Variants in RARB observed in about 807,000 individuals in gnomAD.
RARB encodes retinoic acid receptor beta, also known as HBV-activated protein.
RARB carries 17 observed loss-of-function variants against 51.9 expected under a neutral mutation model. The ratio of observed to expected loss-of-function variants is 0.33; its 90% CI spans 0.22 to 0.49. RARB has a LOEUF of 0.49. RARB is among the 20% of genes least tolerant of loss of function. The pLI, the probability that RARB is intolerant of heterozygous loss-of-function variation, is 0.99. For missense variants in RARB, 369 were observed against 550.8 expected, an observed-to-expected ratio of 0.67 and a Z score of 3.30; for synonymous variants, 215 against 195.4, an observed-to-expected ratio of 1.10 and a Z score of -0.84.
chr3:25,564,658 G>A (rs1300349036), intron 3 of RARB, among the ~76,000 whole-genome samples: 1 of 152,158 alleles, frequency 6.6e-6, no homozygotes, highest in Non-Finnish European at 1.5e-5. Flanking sequence ...CCATCTGTGG[G>A]TCGGATCTTG....
intron 3 of RARB, among the ~76,000 whole-genome samples, chr3:25,528,574 T>C (rs1698757398): frequency 1.3e-5 from 2 of 152,018 alleles, no homozygotes; most frequent in South Asian, 2.1e-4. Flanking sequence ...TGCCATGTGA[T>C]TCAGCACTGG....
intron 3 of RARB, among the ~76,000 whole-genome samples, chr3:25,089,574 A>C (rs1699161458): frequency 6.6e-6 from 1 of 152,114 alleles, no homozygotes; most frequent in Non-Finnish European, 1.5e-5. Context: ...TGTTCTTACC[A>C]TTGAAAAAGC....
intron 5 of RARB, chr3:25,174,639 C>G: frequency 7.7e-7 from 1 of 1,306,132 alleles, no homozygotes; most frequent in Non-Finnish European, 1.0e-6. Context: ...CCTGAGAAAA[C>G]GGAATGGTTG....
intron 3 of RARB, among the ~76,000 whole-genome samples, chr3:25,531,384 A>G (rs372956137): frequency 4.1e-5 from 4 of 98,106 alleles, no homozygotes; most frequent in African/African-American, 2.4e-4. Flanking sequence ...AGATAGATAG[A>G]TAGGTAGATA....
chr3:25,507,919 A>G (rs932078271), intron 3 of RARB, among the ~76,000 whole-genome samples: 1 of 152,080 alleles, frequency 6.6e-6, no homozygotes, highest in Non-Finnish European at 1.5e-5. Context: ...TGTAACAGAA[A>G]CACCATGGAA....
intron 5 of RARB, among the ~76,000 whole-genome samples, chr3:25,202,421 G>A (rs1179519444): frequency 2.6e-5 from 4 of 151,730 alleles, no homozygotes; most frequent in African/African-American, 7.3e-5. Context: ...AGGGTTTTTT[G>A]TGTCTCTATC....
chr3:25,274,015 C>T (rs1266687298), intron 5 of RARB, among the ~76,000 whole-genome samples: 1 of 152,146 alleles, frequency 6.6e-6, no homozygotes, highest in African/African-American at 2.4e-5. Flanking sequence ...GGATGGTTCT[C>T]ACTCTCAACT....
intron 1 of RARB, among the ~76,000 whole-genome samples, chr3:24,854,102 G>C (rs1406056574): frequency 6.6e-6 from 1 of 152,160 alleles, no homozygotes; most frequent in African/African-American, 2.4e-5. Context: ...AGAATGCAGA[G>C]ACTTGCATTT....
intron 2 of RARB, among the ~76,000 whole-genome samples, chr3:25,005,558 G>A (rs548988270): frequency 6.6e-6 from 1 of 152,120 alleles, no homozygotes; most frequent in Non-Finnish European, 1.5e-5. Flanking sequence ...GGCTTCCCAA[G>A]AGCAAATGAC....
chr3:25,081,295 A>C (rs1385778000), intron 3 of RARB, among the ~76,000 whole-genome samples: 1 of 151,948 alleles, frequency 6.6e-6, no homozygotes, highest in African/African-American at 2.4e-5. Context: ...AATATTTGAC[A>C]CTTAGAATTT....
intron 2 of RARB, among the ~76,000 whole-genome samples, chr3:24,912,975 C>CTTTTTTTTTTTTTTTTTTTTGTTTTT (rs1695023927): frequency 1.3e-5 from 1 of 75,066 alleles, no homozygotes; most frequent in African/African-American, 4.5e-5. Flanking sequence ...GGTACTGATT[C>CTTTTTTTTTTTTTTTTTTTTGTTTTT]TTTTTTTTTT....
At chr3:25,453,136 T>C (rs1709266768) in intron 1 of RARB, among the ~76,000 whole-genome samples, 3 of 152,088 alleles carry the variant, frequency 2.0e-5, no homozygotes, top group Non-Finnish European at 4.4e-5. Context: ...AACAAGACAT[T>C]TTTTATGTTA....
intron 3 of RARB, among the ~76,000 whole-genome samples, chr3:25,104,385 G>T (rs930843340): frequency 6.6e-6 from 1 of 152,158 alleles, no homozygotes; most frequent in Non-Finnish European, 1.5e-5. Context: ...CACTTTGGAA[G>T]GCCGGGGATG....
chr3:25,497,634 A>G (rs535232526), intron 2 of RARB, among the ~76,000 whole-genome samples: 43 of 152,250 alleles, frequency 2.8e-4, no homozygotes, highest in Middle Eastern at 6.8e-3. Context: ...GATGGTTGTG[A>G]CTTGCTCAAG....
rs190475549 is a variant in RARB at position 25,085,117 on chromosome 3, G to A, written c.-328+24941G>A. On this transcript the variant is annotated intron_variant, in intron 3 of 11. Coordinates refer to the RARB transcript ENST00000383772. Reference sequence around the variant, plus strand: ...TCATTCCAAAAGCAGAATACCAAGAGGAGACAACTATAGATGTGCCACCTG... The same window carrying A: ...TCATTCCAAAAGCAGAATACCAAGAAGAGACAACTATAGATGTGCCACCTG... 2.0e-5 allele frequency among the ~76,000 whole-genome samples: 3 copies of A among 152,170 alleles called. No homozygotes were observed. In the East Asian group the frequency reaches 5.8e-4, roughly 29 times the overall value.
At chr3:25,371,849 G>A (rs1384606351) in intron 5 of RARB, among the ~76,000 whole-genome samples, 7 of 152,192 alleles carry the variant, frequency 4.6e-5, no homozygotes, top group Middle Eastern at 3.2e-3. Context: ...TCATAAATGC[G>A]AAAATAAATT....
At chr3:25,138,319 G>A (rs1700061949) in intron 4 of RARB, among the ~76,000 whole-genome samples, 2 of 151,428 alleles carry the variant, frequency 1.3e-5, no homozygotes, top group Non-Finnish European at 2.9e-5. Flanking sequence ...CCTTTTGAAA[G>A]CAGCACTATA....
intron 2 of RARB, among the ~76,000 whole-genome samples, chr3:24,967,243 G>T (rs1696296391): frequency 6.6e-6 from 1 of 152,050 alleles, no homozygotes; most frequent in African/African-American, 2.4e-5. Context: ...ACTCCCATTT[G>T]CTTTTCTTCC....
At chr3:25,318,124 C>T (rs1872142) in intron 5 of RARB, among the ~76,000 whole-genome samples, 85,626 of 151,644 alleles carry the variant, frequency 0.56, 24,505 homozygotes, top group East Asian at 0.88. Context: ...TTTAAATTAA[C>T]GAACAGAAAA....
Sources: allele counts gnomAD v4.1 joint callset (sites outside exome capture counted in the v4.1 genomes callset), GRCh38; gene constraint gnomAD v4.1.1; transcripts MANE v1.5; gene names NCBI Gene and HGNC (gene_info 2026-07-23, HGNC 2026-07-21).